MMP26: variants seen among roughly 807,000 people sequenced by gnomAD.
MMP26 encodes the protein matrix metallopeptidase 26, also known as matrix metalloproteinase-26.
MMP26 carries 33 observed loss-of-function variants against 31.0 expected under a neutral mutation model. The observed-to-expected ratio is 1.06, with a 90% confidence interval of 0.81 to 1.42. The LOEUF is 1.42. MMP26 is among the 40% of genes most tolerant of loss of function. The pLI, the probability that MMP26 is intolerant of heterozygous loss-of-function variation, is 0.00. For missense variants in MMP26, 347 were observed against 316.1 expected, an observed-to-expected ratio of 1.10 and a Z score of -0.74; for synonymous variants, 122 against 114.9, an observed-to-expected ratio of 1.06 and a Z score of -0.40.
chr11:4,949,252 T>C (rs144276823), intron 2 of MMP26, among the ~76,000 whole-genome samples: 2,936 of 123,472 alleles, frequency 0.024, 620 homozygotes, highest in African/African-American at 0.076. Context: ...GAAATAAAAA[T>C]ATGGGTTTTA....
intron 2 of MMP26, chr11:4,923,714 A>C: frequency 6.2e-7 from 1 of 1,614,072 alleles, no homozygotes; most frequent in South Asian, 1.1e-5. Flanking sequence ...GTCCACACCC[A>C]CGGTGCAGGC....
intron 2 of MMP26, among the ~76,000 whole-genome samples, chr11:4,879,525 T>C (rs1414489181): frequency 2.0e-5 from 3 of 152,082 alleles, no homozygotes; most frequent in East Asian, 1.9e-4. Context: ...ATTTCTGAAA[T>C]AGGCTTGAGT....
At chr11:4,989,424 G>A (rs567637946) in intron 3 of MMP26, among the ~76,000 whole-genome samples, 4 of 152,164 alleles carry the variant, frequency 2.6e-5, no homozygotes, top group African/African-American at 9.6e-5. Context: ...AAATGTTATA[G>A]TTTATCCATG....
intron 2 of MMP26, among the ~76,000 whole-genome samples, chr11:4,816,726 T>C (rs1018800663): frequency 1.7e-5 from 2 of 118,746 alleles, no homozygotes; most frequent in East Asian, 2.6e-4. Flanking sequence ...TTTTTTGAAA[T>C]AGAGTCTCGC....
intron 1 of MMP26, among the ~76,000 whole-genome samples, chr11:4,764,031 T>TA (rs1289095528): frequency 1.3e-5 from 2 of 152,216 alleles, no homozygotes; most frequent in Non-Finnish European, 2.9e-5. Flanking sequence ...TGCCTCTGCC[T>TA]AATAAAGTAA....
At chr11:4,827,479 G>A (rs752191836) in intron 2 of MMP26, among the ~76,000 whole-genome samples, 26 of 151,970 alleles carry the variant, frequency 1.7e-4, no homozygotes, top group Non-Finnish European at 3.4e-4. Context: ...AGAAAGTATG[G>A]GGATAGCTCC....
chr11:4,989,628 T>C lies in MMP26; in HGVS notation c.100-20T>C, dbSNP rs773221946. The C allele has an allele frequency of 1.3e-6, 2 of 1,595,986 alleles. No individual in the cohort carries two copies. Among genetic ancestry groups the C allele is most frequent in the African/African-American group, 1.3e-5 (1 of 74,544 alleles). ...CTTCCCTATTGACTCTTAGTACTCA[T>C]CCTTCTTGATCTGATTCAGGGCTAT... On this transcript the variant is annotated intron_variant, in intron 3 of 7. Transcript: ENST00000380390.
chr11:4,884,121 A>G (rs1850516384), intron 2 of MMP26, among the ~76,000 whole-genome samples: 1 of 152,134 alleles, frequency 6.6e-6, no homozygotes, highest in Non-Finnish European at 1.5e-5. Flanking sequence ...ATCACATATC[A>G]TTTATAATTA....
At chr11:4,887,422 A>T (rs1193512600) in intron 2 of MMP26, among the ~76,000 whole-genome samples, 2 of 152,256 alleles carry the variant, frequency 1.3e-5, no homozygotes, top group Admixed American at 1.3e-4. Context: ...TTGACATTTT[A>T]TGACCTGAGT....
At chr11:4,731,221 G>C (rs574325484) in intron 1 of MMP26, among the ~76,000 whole-genome samples, 1 of 152,268 alleles carries the variant, frequency 6.6e-6, no homozygotes, top group Non-Finnish European at 1.5e-5. Context: ...TTACAGGTGT[G>C]AGCCACTGTG....
At position 4,925,029 on chromosome 11, in the gene MMP26, T is replaced by A. The variant is rs115415988; in HGVS notation, c.-144-63039T>A. Among the ~76,000 whole-genome samples the A allele has an allele frequency of 5.6e-3, 848 of 152,340 alleles. 6 individuals are homozygous for A. Among genetic ancestry groups the A allele is most frequent in the African/African-American group, 0.019 (799 of 41,588 alleles). On this transcript the variant is annotated intron_variant, in intron 2 of 7. Coordinates refer to ENST00000380390, the MANE Select transcript of MMP26 (RefSeq NM_021801.5). ...TAGTACATTGTCACATGCATTAAAA[T>A]CCTAAAAGATAACATTTATTAAATG...
rs139934050 is a variant in MMP26, at chr11:4,885,840, C to T, written c.-144-102228C>T. Among the ~76,000 whole-genome samples, 59 of 152,194 alleles carry T rather than the reference C, an allele frequency of 3.9e-4. 1 individual carries two copies. In the East Asian group the frequency reaches 0.011, roughly 28 times the overall value. ...TAGGTTTTACTTCTAGGAAGCTTTG[C>T]TTTCATTATCCATCAAAATAGGCCT... On this transcript the variant is annotated intron_variant, in intron 2 of 7. Transcript: ENST00000380390.
rs183281985 is a variant in MMP26, at chr11:4,937,380, C to A, written c.-144-50688C>A. On this transcript the variant is annotated intron_variant, in intron 2 of 7. Coordinates refer to ENST00000380390, the MANE Select transcript of MMP26 (RefSeq NM_021801.5). The stretch of plus-strand genomic sequence containing the variant: ...AACTTACTTTTGGACAAAGTTTCCC[C>A]ACAACCTTTTCTCGGATTTGGTGGG... 3.2e-3 allele frequency: 485 copies of A among 152,332 alleles called. 1 individual carries two copies. The highest frequency in any genetic ancestry group is 0.016 in the South Asian group (76 of 4,822). The allele number at this position is 152,332 out of a possible 1,614,324, so 9.4% of individuals were successfully genotyped here.
At chr11:4,846,672 A>G (rs11034202) in intron 2 of MMP26, among the ~76,000 whole-genome samples, 35,744 of 152,088 alleles carry the variant, frequency 0.24, 4,843 homozygotes, top group South Asian at 0.34. Context: ...TACCCCATAA[A>G]TATATAAACC....
At chr11:4,894,718 G>T (rs959642083) in intron 2 of MMP26, among the ~76,000 whole-genome samples, 1 of 152,116 alleles carries the variant, frequency 6.6e-6, no homozygotes. Flanking sequence ...AGGTAAAGAA[G>T]GTAAGAGACA....
At chr11:4,751,405 A>G (rs1290344835) in intron 1 of MMP26, among the ~76,000 whole-genome samples, 3 of 152,192 alleles carry the variant, frequency 2.0e-5, no homozygotes, top group Admixed American at 1.3e-4. Flanking sequence ...AGCAATCATA[A>G]AATATTTAAT....
intron 2 of MMP26, chr11:4,821,544 C>T (rs142655176): frequency 6.2e-7 from 1 of 1,612,478 alleles, no homozygotes; most frequent in Non-Finnish European, 8.5e-7. Flanking sequence ...TTGTTGCCGT[C>T]TCTGGAAATA....
chr11:4,978,968 A>G (rs1846777104), intron 2 of MMP26, among the ~76,000 whole-genome samples: 1 of 152,188 alleles, frequency 6.6e-6, no homozygotes, highest in South Asian at 2.1e-4. Context: ...AGCATGATAC[A>G]TTGAGCTTGC....
Position 4,991,976 on chromosome 11 carries a change from T to TC in MMP26, c.610dup (p.Leu204ProfsTer6). On this transcript the variant is annotated frameshift_variant, in exon 7 of 8. Transcript: ENST00000380390. LOFTEE classifies it high-confidence loss of function. ...TATAATTTTTCAGGATATAATCTGT[T>TC]CCTGGTTGCAACTCATGAGATTGGG... 6.2e-7 allele frequency: 1 copy of TC among 1,603,748 alleles called. No homozygotes were observed. The highest frequency in any genetic ancestry group is 8.5e-7 in the Non-Finnish European group (1 of 1,177,310).
Sources: gnomAD v4.1 joint callset for allele counts (sites outside exome capture counted in the v4.1 genomes callset) on GRCh38, gnomAD v4.1.1 for gene constraint, MANE v1.5 for transcripts, NCBI Gene and HGNC (gene_info 2026-07-23, HGNC 2026-07-21) for gene names.